Variants in IKZF2 observed in about 807,000 individuals in gnomAD.
The protein encoded by IKZF2 is zinc finger protein Helios.
A neutral mutation model predicts 49.2 loss-of-function variants in IKZF2; 15 were observed. The ratio of observed to expected loss-of-function variants is 0.30; its 90% CI spans 0.20 to 0.47. The LOEUF is 0.47. Among genes scored for constraint, IKZF2 ranks in the 20% least tolerant of loss-of-function variants. The pLI is 1.00. For missense variants in IKZF2, 567 were observed against 664.6 expected (o/e 0.85, Z 1.61); for synonymous variants, 227 against 221.4 (o/e 1.03, Z -0.23).
intron 4 of IKZF2, among the ~76,000 whole-genome samples, chr2:213,124,246 G>GCGCGCA (rs2060163167): frequency 9.8e-6 from 1 of 102,482 alleles, no homozygotes; most frequent in East Asian, 2.6e-4. Flanking sequence ...GCGCTCGCGC[G>GCGCGCA]CGCGCGCACA....
At chr2:213,019,399 A>G (rs1360685559) in intron 7 of IKZF2, among the ~76,000 whole-genome samples, 1 of 152,168 alleles carries the variant, frequency 6.6e-6, no homozygotes, top group Non-Finnish European at 1.5e-5. Context: ...ATGCCAAGCT[A>G]TTTATATGAG....
At chr2:213,072,854 A>C (rs1443725020) in intron 4 of IKZF2, among the ~76,000 whole-genome samples, 2 of 152,118 alleles carry the variant, frequency 1.3e-5, no homozygotes, top group Non-Finnish European at 2.9e-5. Flanking sequence ...CACGAAATCT[A>C]AGGCACTGGA....
intron 4 of IKZF2, among the ~76,000 whole-genome samples, chr2:213,085,397 C>A (rs961564949): frequency 6.6e-6 from 1 of 152,074 alleles, no homozygotes; most frequent in Non-Finnish European, 1.5e-5. Context: ...TATTAACATA[C>A]CAACACTAAA....
chr2:213,047,354 T>C (rs1355994884), intron 6 of IKZF2, among the ~76,000 whole-genome samples: 2 of 152,086 alleles, frequency 1.3e-5, no homozygotes, highest in African/African-American at 4.8e-5. Flanking sequence ...GGTTCATGTA[T>C]GGTTGCCAGC....
chr2:213,115,699 G>T (rs1398054626), intron 4 of IKZF2, among the ~76,000 whole-genome samples: 2 of 152,188 alleles, frequency 1.3e-5, no homozygotes, highest in African/African-American at 4.8e-5. Context: ...CAACAAGTAT[G>T]TTCCATTTAC....
chr2:213,095,523 T>C (rs1302497314), intron 4 of IKZF2, among the ~76,000 whole-genome samples: 3 of 152,060 alleles, frequency 2.0e-5, no homozygotes, highest in Non-Finnish European at 4.4e-5. Flanking sequence ...TAAAGATTTA[T>C]CTAGACACTG....
intron 4 of IKZF2, among the ~76,000 whole-genome samples, chr2:213,141,108 G>A (rs1468554461): frequency 6.6e-6 from 1 of 151,846 alleles, no homozygotes; most frequent in African/African-American, 2.4e-5. Context: ...CATCTATCCC[G>A]TAATTTAAAG....
chr2:213,127,812 T>C (rs148207038), intron 4 of IKZF2, among the ~76,000 whole-genome samples: 27 of 152,304 alleles, frequency 1.8e-4, no homozygotes, highest in African/African-American at 5.5e-4. Context: ...ACTGCAATTT[T>C]TCCACCCAAT....
chr2:213,034,681 CAAGA>C (rs1213395196), intron 6 of IKZF2, among the ~76,000 whole-genome samples: 1 of 152,040 alleles, frequency 6.6e-6, no homozygotes, highest in Non-Finnish European at 1.5e-5. Flanking sequence ...ATAATAATAA[CAAGA>C]AAGATCACAG....
chr2:213,121,013 C>G (rs1020539081), intron 4 of IKZF2, among the ~76,000 whole-genome samples: 4 of 152,066 alleles, frequency 2.6e-5, no homozygotes, highest in African/African-American at 9.7e-5. Context: ...TCTCAAACTC[C>G]CATCTAAAAT....
chr2:213,097,987 C>A, intron 4 of IKZF2: 1 of 299,824 alleles, frequency 3.3e-6, no homozygotes, highest in Non-Finnish European at 6.7e-6. Flanking sequence ...GCTTTTTTTA[C>A]AAGAGTGATT....
intron 4 of IKZF2, among the ~76,000 whole-genome samples, chr2:213,093,576 ATACT>A (rs1188916263): frequency 2.0e-5 from 3 of 152,160 alleles, no homozygotes; most frequent in African/African-American, 7.2e-5. Context: ...AAATTATTAC[ATACT>A]TATATATGTG....
chr2:213,117,797 C>T (rs1234059995), intron 4 of IKZF2, among the ~76,000 whole-genome samples: 2 of 152,190 alleles, frequency 1.3e-5, no homozygotes, highest in African/African-American at 2.4e-5. Context: ...TTGTATAATA[C>T]TATTAACCCT....
Position 213,150,238 on chromosome 2 carries a change from CA to C in IKZF2, c.-111del. The C allele has an allele frequency of 8.3e-7, 1 of 1,200,952 alleles. No homozygotes were observed. The highest frequency in any genetic ancestry group is 1.1e-6 in the Non-Finnish European group (1 of 895,596). The allele number at this position is 1,200,952 out of a possible 1,614,324, so 74.4% of individuals were successfully genotyped here. A position where few individuals can be genotyped will look rare whatever the true frequency, so the allele number is the denominator to read the frequency against. ...TTCTAACCCCTCAAAGAGGAGGTGA[CA>C]ATGTCGGGCTGAAGATAAACGGAGG... On this transcript the variant is annotated 5_prime_UTR_variant, in exon 2 of 9. In the 5' UTR this introduces an upstream ATG that the reference lacks. Transcript: ENST00000434687.
At chr2:213,138,410 T>A (rs1351384957) in intron 4 of IKZF2, among the ~76,000 whole-genome samples, 1 of 151,860 alleles carries the variant, frequency 6.6e-6, no homozygotes, top group Non-Finnish European at 1.5e-5. Flanking sequence ...AAATAACACA[T>A]CCCCAAACAG....
chr2:213,112,175 A>G (rs987850593), intron 4 of IKZF2, among the ~76,000 whole-genome samples: 4 of 151,914 alleles, frequency 2.6e-5, no homozygotes, highest in Admixed American at 1.3e-4. Context: ...TAGGGAAATT[A>G]TATGCTCAGC....
In IKZF2 at chr2:213,147,652, G is replaced by C. The variant is rs540288563; in HGVS notation, c.139+56C>G. On this transcript the variant is annotated intron_variant, in intron 4 of 8. Coordinates refer to ENST00000434687, the MANE Select transcript of IKZF2 (RefSeq NM_001387220.1). ...GACCCCACAGACCTAACAAATTAAA[G>C]TCTGTTGCTGGAGAGACACACACAC... 13 of 1,295,010 alleles carry C rather than the reference G, an allele frequency of 1.0e-5. No homozygotes were observed. The East Asian group carries it at 1.6e-4, about 16-fold the overall frequency. The allele number at this position is 1,295,010 out of a possible 1,614,324, so 80.2% of individuals were successfully genotyped here. A position where few individuals can be genotyped will look rare whatever the true frequency, so the allele number is the denominator to read the frequency against.
chr2:213,032,537 C>G lies in IKZF2; in HGVS notation c.575-10407G>C, dbSNP rs567377238. On this transcript the variant is annotated intron_variant, in intron 6 of 8. Transcript: ENST00000434687. The stretch of plus-strand genomic sequence containing the variant: ...TCACTAAAGCCCAGGAGTTCTAGAC[C>G]AGCCTGGGCAACATGATGAAATCTC... 1.5e-3 allele frequency among the ~76,000 whole-genome samples: 231 copies of G among 152,188 alleles called. 2 individuals are homozygous for G. Among genetic ancestry groups the G allele is most frequent in the African/African-American group, 5.4e-3 (223 of 41,524 alleles).
chr2:213,120,048 T>G (rs2060002286), intron 4 of IKZF2, among the ~76,000 whole-genome samples: 1 of 152,226 alleles, frequency 6.6e-6, no homozygotes, highest in East Asian at 1.9e-4. Context: ...TCAAGGCCAG[T>G]TCCTACTCCC....
Sources: gnomAD v4.1 joint callset for allele counts (sites outside exome capture counted in the v4.1 genomes callset) on GRCh38, gnomAD v4.1.1 for gene constraint, MANE v1.5 for transcripts, NCBI Gene and HGNC (gene_info 2026-07-23, HGNC 2026-07-21) for gene names.